Variants in ARHGAP26 observed in about 807,000 individuals in gnomAD.
ARHGAP26 encodes the protein Rho GTPase activating protein 26.
Under a neutral mutation model 104.8 loss-of-function variants are expected in ARHGAP26, and 38 were observed. The ratio of observed to expected loss-of-function variants is 0.36; its 90% confidence interval spans 0.28 to 0.48. ARHGAP26 has a LOEUF of 0.48. ARHGAP26 is among the 20% of genes least tolerant of loss of function. The pLI, the probability that ARHGAP26 is intolerant of heterozygous loss-of-function variation, is 0.99. For synonymous variants in ARHGAP26, 341 were observed against 340.0 expected, an observed-to-expected ratio of 1.00 and a Z score of -0.03; for missense variants, 704 against 947.9, an observed-to-expected ratio of 0.74 and a Z score of 3.38.
intron 3 of ARHGAP26, among the ~76,000 whole-genome samples, chr5:142,878,227 G>A (rs1444637640): frequency 5.3e-5 from 8 of 152,188 alleles, no homozygotes; most frequent in South Asian, 2.1e-4. Context: ...TTAGTTGAGC[G>A]AAGAGTGATA....
chr5:142,978,350 G>T (rs1046032601), intron 11 of ARHGAP26, among the ~76,000 whole-genome samples: 2 of 152,136 alleles, frequency 1.3e-5, no homozygotes, highest in African/African-American at 2.4e-5. Context: ...AGAAATCCTT[G>T]GCCATCTTTG....
chr5:143,043,591 A>G (rs1034387913), intron 14 of ARHGAP26, among the ~76,000 whole-genome samples: 1 of 152,198 alleles, frequency 6.6e-6, no homozygotes, highest in Non-Finnish European at 1.5e-5. Flanking sequence ...GTATGGCGAT[A>G]GGGTCAATTT....
chr5:142,963,198 A>ATATATATATGTGTGTGTGTGTGTGTGTG (rs869247749), intron 11 of ARHGAP26, among the ~76,000 whole-genome samples: 5 of 98,300 alleles, frequency 5.1e-5, no homozygotes, highest in South Asian at 4.1e-4. Context: ...ATATATATAT[A>ATATATATATGTGTGTGTGTGTGTGTGTG]TGTGTGTGTG....
chr5:143,008,138 C>T (rs1778244754), intron 11 of ARHGAP26, among the ~76,000 whole-genome samples: 1 of 152,222 alleles, frequency 6.6e-6, no homozygotes, highest in Non-Finnish European at 1.5e-5. Flanking sequence ...ATAGAATTTA[C>T]ATTCAGTGCT....
chr5:143,090,642 G>A (rs1383316589), intron 17 of ARHGAP26, among the ~76,000 whole-genome samples: 1 of 152,176 alleles, frequency 6.6e-6, no homozygotes, highest in Non-Finnish European at 1.5e-5. Flanking sequence ...AGAACTTGAG[G>A]GTTTGAGATA....
chr5:142,788,834 A>G (rs59922477), intron 1 of ARHGAP26, among the ~76,000 whole-genome samples: 6,395 of 152,310 alleles, frequency 0.042, 153 homozygotes, highest in East Asian at 0.082. Flanking sequence ...CTGCAGTAGA[A>G]TATCTCCACC....
intron 12 of ARHGAP26, among the ~76,000 whole-genome samples, chr5:143,033,003 A>T (rs1489827805): frequency 6.6e-6 from 1 of 152,230 alleles, no homozygotes; most frequent in East Asian, 1.9e-4. Context: ...TTTGAAAGAG[A>T]TTCCATTTCT....
chr5:143,063,005 T>G (rs1346197280), intron 17 of ARHGAP26, among the ~76,000 whole-genome samples: 1 of 152,252 alleles, frequency 6.6e-6, no homozygotes, highest in Non-Finnish European at 1.5e-5. Flanking sequence ...TTTCTCTGGC[T>G]GCCTTCCCTC....
intron 17 of ARHGAP26, among the ~76,000 whole-genome samples, chr5:143,114,541 C>T (rs1001815911): frequency 4.6e-5 from 7 of 152,224 alleles, no homozygotes; most frequent in Non-Finnish European, 1.0e-4. Context: ...GTTGTTCCAG[C>T]AGCTTCATTT....
In ARHGAP26 at chr5:142,851,532, T is replaced by C. The variant is rs144891140; in HGVS notation, c.155-21868T>C. Among the ~76,000 whole-genome samples, 866 of 152,280 alleles carry C rather than the reference T, an allele frequency of 5.7e-3. 4 individuals carry two copies. The highest frequency in any genetic ancestry group is 0.014 in the Middle Eastern group (4 of 294). ...TTGTTTTATTATGAACAGCTTGGCATTTTGCCCCTCATAGGCTCATGCACA... is the reference window on the plus strand; with the variant it reads ...TTGTTTTATTATGAACAGCTTGGCACTTTGCCCCTCATAGGCTCATGCACA... On this transcript the variant is annotated intron_variant, in intron 1 of 22. Transcript: ENST00000645722.
intron 20 of ARHGAP26, 66 bp downstream of exon 20, chr5:143,147,447 T>A: frequency 1.9e-6 from 3 of 1,546,620 alleles, no homozygotes; most frequent in Non-Finnish European, 2.6e-6. Flanking sequence ...TAGAATTTGC[T>A]GTCTGGCTCC....
intron 20 of ARHGAP26, among the ~76,000 whole-genome samples, chr5:143,177,990 T>A (rs982750041): frequency 3.0e-4 from 19 of 62,522 alleles, no homozygotes; most frequent in Non-Finnish European, 5.3e-4. Flanking sequence ...GGCAGTCCTT[T>A]TTTTTTTTTT....
At chr5:143,037,625 G>A (rs912096966) in intron 13 of ARHGAP26, among the ~76,000 whole-genome samples, 1 of 152,172 alleles carries the variant, frequency 6.6e-6, no homozygotes, top group Non-Finnish European at 1.5e-5. Context: ...TAATTTGGGA[G>A]CAGTGATATT....
intron 4 of ARHGAP26, among the ~76,000 whole-genome samples, chr5:142,880,517 CA>C (rs36049761): frequency 0.44 from 62,998 of 144,324 alleles, 16,060 homozygotes; most frequent in East Asian, 0.82. Context: ...ACTCCATGTC[CA>C]AAAAAAAAAA....
intron 17 of ARHGAP26, among the ~76,000 whole-genome samples, chr5:143,104,381 C>T (rs539374985): frequency 7.2e-5 from 11 of 152,062 alleles, no homozygotes; most frequent in Middle Eastern, 3.4e-3. Context: ...GGTAGTGGCA[C>T]GCACCTGTAA....
chr5:143,121,198 G>A (rs1006881505), intron 18 of ARHGAP26, 51 bp downstream of exon 18: 6 of 1,570,986 alleles, frequency 3.8e-6, no homozygotes, highest in Non-Finnish European at 5.2e-6. Flanking sequence ...GGGGGAAGCT[G>A]CATTGGAATT....
intron 5 of ARHGAP26, among the ~76,000 whole-genome samples, chr5:142,886,631 GA>G (rs1757745072): frequency 6.6e-6 from 1 of 151,958 alleles, no homozygotes; most frequent in African/African-American, 2.4e-5. Flanking sequence ...CCTGAGTAGG[GA>G]AAAAGAAACA....
intron 20 of ARHGAP26, among the ~76,000 whole-genome samples, chr5:143,183,073 CAAAAAAAAAAAA>C (rs70991799): frequency 1.1e-5 from 1 of 89,962 alleles, no homozygotes; most frequent in African/African-American, 3.8e-5. Flanking sequence ...TGAAAAGTGG[CAAAAAAAAAAAA>C]AAAAAAGAAA....
At chr5:142,896,904 A>G (rs1331757836) in intron 6 of ARHGAP26, among the ~76,000 whole-genome samples, 3 of 152,236 alleles carry the variant, frequency 2.0e-5, no homozygotes, top group Admixed American at 2.0e-4. Flanking sequence ...GGTGCTTAGA[A>G]CAGAACCTGA....
Sources: allele counts gnomAD v4.1 joint callset (sites outside exome capture counted in the v4.1 genomes callset), GRCh38; gene constraint gnomAD v4.1.1; transcripts MANE v1.5; gene names NCBI Gene and HGNC (gene_info 2026-07-23, HGNC 2026-07-21).